Variants in FSIP2 observed in about 807,000 individuals in gnomAD.
FSIP2 encodes the protein fibrous sheath-interacting protein 2.
Under a neutral mutation model 510.5 loss-of-function variants are expected in FSIP2, and 367 were observed. The observed-to-expected ratio is 0.72, with a 90% CI of 0.66 to 0.78. The LOEUF is 0.78. Among genes scored for constraint, FSIP2 ranks in the 30% least tolerant of loss-of-function variants. The pLI is 0.00. For missense variants in FSIP2, 7,594 were observed against 7,901.7 expected (o/e 0.96, Z 1.48); for synonymous variants, 2,601 against 2,732.2 (o/e 0.95, Z 1.50).
Position 185,799,800 on chromosome 2 carries a change from T to C in FSIP2, c.10494T>C (p.Cys3498=). The C allele has an allele frequency of 6.5e-7, 1 of 1,531,138 alleles. No individual in the cohort carries two copies. Among genetic ancestry groups the C allele is most frequent in the Admixed American group, 2.0e-5 (1 of 50,722 alleles). 94.8% of individuals were successfully genotyped at this position (1,531,138 alleles called of 1,614,324 possible). A position where few individuals can be genotyped will look rare whatever the true frequency, so the allele number is the denominator to read the frequency against. Residue 3498 remains cysteine (C), a synonymous_variant, in exon 17 of 23, where the codon TGT becomes TGC. Transcript: ENST00000424728. ...ACGATGATTCTTCAATTTATCAATGTTGTGAACATCTCACTGAGTCAGTAC... is the reference window on the plus strand; with the variant it reads ...ACGATGATTCTTCAATTTATCAATGCTGTGAACATCTCACTGAGTCAGTAC... ...NIYDDSSIYQ[C]CEHLTESVLY...
intron 12 of FSIP2, among the ~76,000 whole-genome samples, 185 bp downstream of exon 12, chr2:185,763,474 A>T (rs914128261): frequency 2.0e-5 from 3 of 151,544 alleles, no homozygotes; most frequent in Admixed American, 6.6e-5. Context: ...AAGCTACAAG[A>T]TGTTAGTTCA....
chr2:185,797,303 C>T lies in FSIP2; in HGVS notation c.10167C>T (p.Ile3389=). The change falls in exon 16 of 23, where the codon ATC becomes ATT. Residue 3389 remains isoleucine, a synonymous_variant. Transcript: ENST00000424728. ...TGCTTAGAATGCAGGATAAAAAAATCAACTATATACCTGAGGAAGAAAATG... is the reference window on the plus strand; with the variant it reads ...TGCTTAGAATGCAGGATAAAAAAATTAACTATATACCTGAGGAAGAAAATG... ...KSLLRMQDKK[I]NYIPEEENEN... The T allele has an allele frequency of 6.5e-7, 1 of 1,531,728 alleles. No individual in the cohort carries two copies. The highest frequency in any genetic ancestry group is 2.0e-5 in the Admixed American group (1 of 50,096). 94.9% of individuals were successfully genotyped at this position (1,531,728 alleles called of 1,614,324 possible). A position where few individuals can be genotyped will look rare whatever the true frequency, so the allele number is the denominator to read the frequency against.
At chr2:185,741,006 A>G (rs895703696) in intron 2 of FSIP2, among the ~76,000 whole-genome samples, 4 of 152,208 alleles carry the variant, frequency 2.6e-5, no homozygotes, top group Admixed American at 2.0e-4. Context: ...ACTAGATTAG[A>G]GCAAGTGAAC....
chr2:185,799,846 A>G lies in FSIP2; in HGVS notation c.10540A>G (p.Ile3514Val). ...ESVLYHLTSS[I>V]SDGTKKGREK... ...AGTACTTTACCATTTAACTTCGAGC[A>G]TTTCTGATGGCACCAAAAAGGGTAG... is the stretch of plus-strand genomic sequence containing the variant. The change falls in exon 17 of 23, where the codon ATT becomes GTT. Residue 3514 changes from isoleucine to valine, a missense_variant. Physicochemically the swap from Ile to Val is conservative, Grantham distance 29. Coordinates refer to ENST00000424728, the MANE Select transcript of FSIP2 (RefSeq NM_173651.4). The G allele has an allele frequency of 6.5e-7, 1 of 1,532,920 alleles. No individual in the cohort carries two copies. The highest frequency in any genetic ancestry group is 1.2e-5 in the South Asian group (1 of 83,834). The allele number at this position is 1,532,920 out of a possible 1,614,324, so 95.0% of individuals were successfully genotyped here.
Position 185,789,630 on chromosome 2 carries a change from A to G in FSIP2, c.2494A>G (p.Met832Val). 3 of 1,534,600 alleles carry G rather than the reference A, an allele frequency of 2.0e-6. No individual in the cohort carries two copies. Among genetic ancestry groups the G allele is most frequent in the Non-Finnish European group, 2.6e-6 (3 of 1,145,796 alleles). ...GGTGCATGCCATTTTAGAAAAGCTAATGACTCTTGTTTCTTTTAAGCAAAA... is the reference window on the plus strand; with the variant it reads ...GGTGCATGCCATTTTAGAAAAGCTAGTGACTCTTGTTTCTTTTAAGCAAAA... Reference protein sequence around the residue: ...DMVHAILEKLMTLVSFKQNEF... With the variant: ...DMVHAILEKLVTLVSFKQNEF... The change falls in exon 16 of 23, where the codon ATG becomes GTG. Residue 832 changes from methionine (M) to valine (V), a missense_variant. Transcript: ENST00000424728.
intron 17 of FSIP2, among the ~76,000 whole-genome samples, chr2:185,812,375 A>C (rs1693749605): frequency 6.6e-6 from 1 of 152,116 alleles, no homozygotes; most frequent in African/African-American, 2.4e-5. Flanking sequence ...CGTTTCAAAC[A>C]TGAATGTTTG....
chr2:185,764,820 C>G, intron 13 of FSIP2: 1 of 321,872 alleles, frequency 3.1e-6, no homozygotes, highest in Middle Eastern at 8.6e-4. Context: ...ATAGACCTAT[C>G]TAGGGTCATC....
At chr2:185,785,012 G>A (rs994259979) in intron 14 of FSIP2, among the ~76,000 whole-genome samples, 9 of 151,938 alleles carry the variant, frequency 5.9e-5, no homozygotes, top group South Asian at 2.1e-4. Flanking sequence ...TTGCACTTTC[G>A]TGCTGTTTGT....
Position 185,800,151 on chromosome 2 carries a change from G to A in FSIP2, c.10845G>A (p.Leu3615=). The stretch of plus-strand genomic sequence containing the variant: ...TCTTAGTAGGAGTGATTCATGTACT[G>A]TCCAAAGAAATAGAAGTAGATTATC... ...QDLLVGVIHV[L]SKEIEVDYHF... Residue 3615 remains leucine (L), a synonymous_variant, in exon 17 of 23, where the codon CTG becomes CTA. Coordinates refer to ENST00000424728, the MANE Select transcript of FSIP2 (RefSeq NM_173651.4). The A allele has an allele frequency of 6.5e-7, 1 of 1,533,214 alleles. No individual in the cohort carries two copies. The highest frequency in any genetic ancestry group is 8.7e-7 in the Non-Finnish European group (1 of 1,145,368). The allele number at this position is 1,533,214 out of a possible 1,614,324, so 95.0% of individuals were successfully genotyped here.
Position 185,746,793 on chromosome 2 carries a change from C to T in FSIP2, c.742C>T (p.Arg248Cys), listed in dbSNP as rs531170562. 1,294 of 1,514,336 alleles carry T rather than the reference C, an allele frequency of 8.5e-4. 1 individual carries two copies. The highest frequency in any genetic ancestry group is 1.1e-3 in the Non-Finnish European group (1,197 of 1,139,020). 93.8% of individuals were successfully genotyped at this position (1,514,336 alleles called of 1,614,324 possible). The change falls in exon 6 of 23, where the codon CGT becomes TGT. Residue 248 changes from arginine to cysteine, a missense_variant. Physicochemically the swap from Arg to Cys is radical, Grantham distance 180. Transcript: ENST00000424728. ...REHTRRKLTL[R>C]RKIEEEWKTK... ...ACACACAAGAAGAAAACTTACTCTT[C>T]GTAGAAAAATAGAAGAGGTGAGAGA...
intron 16 of FSIP2, chr2:185,797,729 C>G (rs1236478610): frequency 3.5e-6 from 2 of 575,220 alleles, no homozygotes; most frequent in Non-Finnish European, 6.2e-6. Context: ...GTCTCTGTCA[C>G]TGAGGCTAGA....
rs1053631208 is a variant in FSIP2 at position 185,744,354 on chromosome 2, C to A, written c.420C>A (p.Tyr140Ter). 3 of 1,249,270 alleles carry A rather than the reference C, an allele frequency of 2.4e-6. No homozygotes were observed. The highest frequency in any genetic ancestry group is 3.1e-5 in the African/African-American group (2 of 63,994). 77.4% of individuals were successfully genotyped at this position (1,249,270 alleles called of 1,614,324 possible). A position where few individuals can be genotyped will look rare whatever the true frequency, so the allele number is the denominator to read the frequency against. The change falls in exon 4 of 23, where the codon TAC (tyrosine) becomes TAA (stop). Residue 140 changes from tyrosine (Y) to a stop codon, truncating the protein, a stop_gained. Coordinates refer to ENST00000424728, the MANE Select transcript of FSIP2 (RefSeq NM_173651.4). LOFTEE classifies it high-confidence loss of function. ...VVCTLRELNK[Y>*]RQYLTSLKLD... ...GTACCTTGAGAGAATTGAATAAGTA[C>A]AGGCAATATCTTACCAGTTTAAAAT...
chr2:185,792,538 C>T lies in FSIP2; in HGVS notation c.5402C>T (p.Ser1801Phe), dbSNP rs1222914864. ...TTAATCAATCAATTAAATGTCCTTT[C>T]TCTCTCCCACTCTAATTTTAATGGC... ...STLINQLNVL[S>F]LSHSNFNGMP... is the part of the protein sequence containing the mutation. The change falls in exon 16 of 23, where the codon TCT becomes TTT. Residue 1801 changes from serine (S) to phenylalanine (F), a missense_variant. Coordinates refer to ENST00000424728, the MANE Select transcript of FSIP2 (RefSeq NM_173651.4). The T allele has an allele frequency of 6.5e-7, 1 of 1,530,146 alleles. No homozygotes were observed. Among genetic ancestry groups the T allele is most frequent in the Admixed American group, 2.0e-5 (1 of 50,794 alleles). 94.8% of individuals were successfully genotyped at this position (1,530,146 alleles called of 1,614,324 possible). A position where few individuals can be genotyped will look rare whatever the true frequency, so the allele number is the denominator to read the frequency against.
Position 185,807,416 on chromosome 2 carries a change from A to T in FSIP2, c.18110A>T (p.Glu6037Val). ...TISSTKTKEP[E>V]DNLSTELNFL... ...TCCAGCACAAAAACAAAAGAACCTG[A>T]GGACAATTTGTCCACAGAACTGAAT... Residue 6037 changes from glutamate (E) to valine (V), a missense_variant, in exon 17 of 23, where the codon GAG (glutamate) becomes GTG (valine). Coordinates refer to ENST00000424728, the MANE Select transcript of FSIP2 (RefSeq NM_173651.4). 1 of 1,609,424 alleles carries T rather than the reference A, an allele frequency of 6.2e-7. No individual in the cohort carries two copies. The highest frequency in any genetic ancestry group is 8.5e-7 in the Non-Finnish European group (1 of 1,178,186).
chr2:185,762,596 C>T (rs1376846785), intron 11 of FSIP2, among the ~76,000 whole-genome samples: 3 of 151,422 alleles, frequency 2.0e-5, no homozygotes. Flanking sequence ...GGCACAAAAC[C>T]TAAGTTGCCT....
Position 185,800,794 on chromosome 2 carries a change from G to A in FSIP2, c.11488G>A (p.Asp3830Asn), listed in dbSNP as rs763394534. 4 of 1,534,208 alleles carry A rather than the reference G, an allele frequency of 2.6e-6. No individual in the cohort carries two copies. The highest frequency in any genetic ancestry group is 3.5e-6 in the Non-Finnish European group (4 of 1,145,602). ...CCTTTTGGAGAATGTGGCAGAAATT[G>A]ATCAAGACTTATTGACATCAGACTC... Reference protein sequence around the residue: ...SDLLENVAEIDQDLLTSDSML... With the variant: ...SDLLENVAEINQDLLTSDSML... The change falls in exon 17 of 23, where the codon GAT becomes AAT. Residue 3830 changes from aspartate (D) to asparagine (N), a missense_variant. Coordinates refer to ENST00000424728, the MANE Select transcript of FSIP2 (RefSeq NM_173651.4).
At position 185,807,904 on chromosome 2, in the gene FSIP2, G is replaced by A. The variant is rs781509461; in HGVS notation, c.18598G>A (p.Glu6200Lys). 11 of 1,601,874 alleles carry A rather than the reference G, an allele frequency of 6.9e-6. No homozygotes were observed. In the East Asian group the frequency reaches 2.5e-4, roughly 36 times the overall value. Residue 6200 changes from glutamate (E) to lysine (K), a missense_variant, in exon 17 of 23, where the codon GAA becomes AAA. Coordinates refer to ENST00000424728, the MANE Select transcript of FSIP2 (RefSeq NM_173651.4). ...ATCTATATTTCCAAAAGTACATAAA[G>A]AAAGAACAAAATCTCTAGAGACTGA... ...LLSIFPKVHK[E>K]RTKSLETDMQ... is the part of the protein sequence containing the mutation.
chr2:185,758,014 T>G (rs532504312), intron 9 of FSIP2, among the ~76,000 whole-genome samples: 1 of 151,176 alleles, frequency 6.6e-6, no homozygotes, highest in South Asian at 2.1e-4. Context: ...TCTGGGATTA[T>G]TATCAAATAG....
intron 19 of FSIP2, among the ~76,000 whole-genome samples, chr2:185,817,267 A>G (rs575999481): frequency 6.6e-6 from 1 of 152,144 alleles, no homozygotes; most frequent in East Asian, 2.0e-4. Context: ...CAGATAGGCA[A>G]TGGTGTTATA....
Sources: gnomAD v4.1 joint callset for allele counts (sites outside exome capture counted in the v4.1 genomes callset) on GRCh38, gnomAD v4.1.1 for gene constraint, MANE v1.5 for transcripts, NCBI Gene and HGNC (gene_info 2026-07-23, HGNC 2026-07-21) for gene names.